Variants in LRFN3 observed in about 807,000 individuals in gnomAD.
LRFN3 encodes the protein leucine-rich repeat and fibronectin type-III domain-containing protein 3.
Under a neutral mutation model 23.8 loss-of-function variants are expected in LRFN3, and 8 were observed. The ratio of observed to expected loss-of-function variants is 0.34; its 90% CI spans 0.20 to 0.61. The LOEUF (loss-of-function observed/expected upper bound fraction) is 0.61, where lower values mean the gene tolerates loss of function less well. Ranked by LOEUF, LRFN3 falls within the 20% of genes least tolerant of loss-of-function variation. The pLI is 0.80. For missense variants in LRFN3, 736 were observed against 935.3 expected, an observed-to-expected ratio of 0.79 and a Z score of 2.78; for synonymous variants, 451 against 450.6, an observed-to-expected ratio of 1.00 and a Z score of -0.01.
rs1976061703 is a variant in LRFN3 at position 35,936,695 on chromosome 19, C to G, written c.-877C>G. ...CCGCAGCCCAGGAAGCCAGCCGGGA[C>G]GCCGCCGCCCCGGACCCCGCGCCCT... On this transcript the variant is annotated 5_prime_UTR_variant, in exon 1 of 3. Transcript: ENST00000246529. The G allele has an allele frequency of 6.5e-6, 1 of 152,716 alleles. No homozygotes were observed. The highest frequency in any genetic ancestry group is 2.4e-5 in the African/African-American group (1 of 41,344). 9.5% of individuals were successfully genotyped at this position (152,716 alleles called of 1,614,324 possible). A position where few individuals can be genotyped will look rare whatever the true frequency, so the allele number is the denominator to read the frequency against.
Position 35,939,793 on chromosome 19 carries a change from G to A in LRFN3, c.368G>A (p.Gly123Asp). 7 of 1,603,870 alleles carry A rather than the reference G, an allele frequency of 4.4e-6. No homozygotes were observed. The highest frequency in any genetic ancestry group is 5.9e-6 in the Non-Finnish European group (7 of 1,179,734). ...HLDGNRLTSL[G>D]EGQLRGLVNL... ...GATGGCAACCGGCTGACCTCACTGGGCGAGGGCCAGCTGCGCGGCCTGGTC... is the reference window on the plus strand; with the variant it reads ...GATGGCAACCGGCTGACCTCACTGGACGAGGGCCAGCTGCGCGGCCTGGTC... Residue 123 changes from glycine (G) to aspartate (D), a missense_variant, in exon 2 of 3, where the codon GGC (glycine) becomes GAC (aspartate). By Grantham distance (94) the Gly-to-Asp change is moderately conservative. Transcript: ENST00000246529. The surrounding 1 kb of genome is among the most constrained non-coding windows in gnomAD (Gnocchi z 6.4).
Position 35,944,756 on chromosome 19 carries a change from G to T in LRFN3, c.1624G>T (p.Ala542Ser). Reference sequence around the variant, plus strand: ...CTTCCTGGGCGGCACGATGATCATCGCGCTGGGCGGCGTCATCGTAGCCTC... The same window carrying T: ...CTTCCTGGGCGGCACGATGATCATCTCGCTGGGCGGCGTCATCGTAGCCTC... ...APFLGGTMIIALGGVIVASVL... is the reference protein window; with the variant it reads ...APFLGGTMIISLGGVIVASVL... The change falls in exon 3 of 3, where the codon GCG becomes TCG. Residue 542 changes from alanine (A) to serine (S), a missense_variant. This residue lies in a region of LRFN3 where 290 missense variants were observed against 287.4 expected (regional missense o/e 1.01). Coordinates refer to ENST00000246529, the MANE Select transcript of LRFN3 (RefSeq NM_024509.2). The surrounding 1 kb of genome is among the most constrained non-coding windows in gnomAD (Gnocchi z 4.5). 1 of 1,609,398 alleles carries T rather than the reference G, an allele frequency of 6.2e-7. No homozygotes were observed. Among genetic ancestry groups the T allele is most frequent in the Non-Finnish European group, 8.5e-7 (1 of 1,178,278 alleles).
At position 35,939,671 on chromosome 19, in the gene LRFN3, G is replaced by A. The variant is rs781290682; in HGVS notation, c.246G>A (p.Met82Ile). ...TGCGCCGCCGCGACCTGGCCAACAT[G>A]ACAGGCCTGCTGCATCTGAGCCTGT... Reference protein sequence around the residue: ...ASVRRRDLANMTGLLHLSLSR... With the variant: ...ASVRRRDLANITGLLHLSLSR... The change falls in exon 2 of 3, where the codon ATG (methionine) becomes ATA (isoleucine). Residue 82 changes from methionine (M) to isoleucine (I), a missense_variant. This residue lies in a region of LRFN3 where 446 missense variants were observed against 647.9 expected (regional missense o/e 0.69). Coordinates refer to ENST00000246529, the MANE Select transcript of LRFN3 (RefSeq NM_024509.2). The surrounding 1 kb of genome is among the most constrained non-coding windows in gnomAD (Gnocchi z 6.4). 1 of 1,607,814 alleles carries A rather than the reference G, an allele frequency of 6.2e-7. No individual in the cohort carries two copies. The highest frequency in any genetic ancestry group is 1.1e-5 in the South Asian group (1 of 91,032).
intron 2 of LRFN3, among the ~76,000 whole-genome samples, chr19:35,942,088 T>C (rs1046529561): frequency 6.6e-6 from 1 of 151,652 alleles, no homozygotes. Flanking sequence ...TTCACCATGT[T>C]AGCCAGGATG....
rs568617200 is a variant in LRFN3 at position 35,944,134 on chromosome 19, G to T, written c.1416-414G>T. ...GAGTCCAGGAGTCAGAGGCTGCAGT[G>T]AGCTGTGATCATGCCACTGCACTCC... On this transcript the variant is annotated intron_variant, in intron 2 of 2. Coordinates refer to ENST00000246529, the MANE Select transcript of LRFN3 (RefSeq NM_024509.2). The surrounding 1 kb of genome is among the most constrained non-coding windows in gnomAD (Gnocchi z 4.5). 3.7e-4 allele frequency among the ~76,000 whole-genome samples: 56 copies of T among 152,316 alleles called. No individual in the cohort carries two copies. The highest frequency in any genetic ancestry group is 1.3e-3 in the African/African-American group (56 of 41,570).
chr19:35,944,622 T>A lies in LRFN3; in HGVS notation c.1490T>A (p.Leu497His). Residue 497 changes from leucine (L) to histidine (H), a missense_variant, in exon 3 of 3, where the codon CTC becomes CAC. By Grantham distance (99) the Leu-to-His change is moderately conservative (BLOSUM62 -3). Coordinates refer to ENST00000246529, the MANE Select transcript of LRFN3 (RefSeq NM_024509.2). This position sits in a 1 kb window ranked among gnomAD's most constrained non-coding sequence, Gnocchi z 4.5. ...GGCCGGACCTACGATCTGTGCGTGC[T>A]CGCCGTGTATGAGGACAGCGCCACG... ...ASGRTYDLCV[L>H]AVYEDSATGL... 6.4e-7 allele frequency: 1 copy of A among 1,559,880 alleles called. No homozygotes were observed. The highest frequency in any genetic ancestry group is 8.6e-7 in the Non-Finnish European group (1 of 1,159,908).
chr19:35,944,896 C>G lies in LRFN3; in HGVS notation c.1764C>G (p.Gly588=), dbSNP rs766498398. 6.3e-7 allele frequency: 1 copy of G among 1,590,696 alleles called. No homozygotes were observed. Among genetic ancestry groups the G allele is most frequent in the Admixed American group, 1.7e-5 (1 of 59,378 alleles). Residue 588 remains glycine, a synonymous_variant, in exon 3 of 3, where the codon GGC becomes GGG. Coordinates refer to ENST00000246529, the MANE Select transcript of LRFN3 (RefSeq NM_024509.2). The surrounding 1 kb of genome is among the most constrained non-coding windows in gnomAD (Gnocchi z 4.5). The part of the protein sequence containing the change: ...PVSSVCSQTN[G]ALGPTPTPAP... ...GCAGCGTTTGCTCCCAGACCAACGG[C>G]GCCCTGGGCCCCACGCCCACGCCCG...
Position 35,937,817 on chromosome 19 carries a change from T to C in LRFN3, c.-17+262T>C, listed in dbSNP as rs2145298471. Among the ~76,000 whole-genome samples the C allele has an allele frequency of 1.3e-5, 2 of 152,276 alleles. 1 individual carries two copies. The highest frequency in any genetic ancestry group is 2.9e-5 in the Non-Finnish European group (2 of 68,026). ...AACCCTTACAGCCTTTCGCTGTCTA[T>C]CCGGTCCGACCGTCTCCGCCACCTC... On this transcript the variant is annotated intron_variant, in intron 1 of 2. Coordinates refer to ENST00000246529, the MANE Select transcript of LRFN3 (RefSeq NM_024509.2).
intron 2 of LRFN3, among the ~76,000 whole-genome samples, chr19:35,942,852 AC>A (rs1976137661): frequency 6.6e-6 from 1 of 152,038 alleles, no homozygotes; most frequent in African/African-American, 2.4e-5. Flanking sequence ...ACACGGTGAA[AC>A]CTCGTCTCTA....
intron 1 of LRFN3, among the ~76,000 whole-genome samples, chr19:35,938,809 T>C (rs1976084678): frequency 6.6e-6 from 1 of 152,226 alleles, no homozygotes; most frequent in East Asian, 1.9e-4. Context: ...CCTTCTCTTC[T>C]CTGGTCATAT....
At position 35,944,882 on chromosome 19, in the gene LRFN3, T is replaced by C; in HGVS notation, c.1750T>C (p.Ser584Pro). Residue 584 changes from serine to proline, a missense_variant, in exon 3 of 3, where the codon TCC (serine) becomes CCC (proline). Physicochemically the swap from Ser to Pro is moderately conservative, Grantham distance 74. This residue lies in a region of LRFN3 where 290 missense variants were observed against 287.4 expected (regional missense o/e 1.01). Transcript: ENST00000246529. This position sits in a 1 kb window ranked among gnomAD's most constrained non-coding sequence, Gnocchi z 4.5. ...TCCCGCGCCTGTTAGCAGCGTTTGC[T>C]CCCAGACCAACGGCGCCCTGGGCCC... ...KIPAPVSSVC[S>P]QTNGALGPTP... 6.3e-7 allele frequency: 1 copy of C among 1,596,348 alleles called. No individual in the cohort carries two copies. The highest frequency in any genetic ancestry group is 8.5e-7 in the Non-Finnish European group (1 of 1,178,318).
At chr19:35,940,943 T>C in intron 2 of LRFN3, 103 bp downstream of exon 2, 1 of 1,386,218 alleles carries the variant, frequency 7.2e-7, no homozygotes, top group Non-Finnish European at 9.4e-7. Flanking sequence ...AACTGATAAG[T>C]GATGCTGGAA....
Position 35,940,067 on chromosome 19 carries a change from C to G in LRFN3, c.642C>G (p.Asn214Lys), listed in dbSNP as rs1392663382. ...TGGCCCGGCTGGACATGACCTCCAA[C>G]CGCCTGACCACAATCCCACCCGACC... Reference protein sequence around the residue: ...HKLARLDMTSNRLTTIPPDPL... With the variant: ...HKLARLDMTSKRLTTIPPDPL... The change falls in exon 2 of 3, where the codon AAC (asparagine) becomes AAG (lysine). Residue 214 changes from asparagine (N) to lysine (K), a missense_variant. Transcript: ENST00000246529. 6.2e-7 allele frequency: 1 copy of G among 1,612,394 alleles called. No homozygotes were observed. Among genetic ancestry groups the G allele is most frequent in the African/African-American group, 1.3e-5 (1 of 75,034 alleles).
chr19:35,943,527 T>A (rs924169944), intron 2 of LRFN3, among the ~76,000 whole-genome samples: 1 of 152,026 alleles, frequency 6.6e-6, no homozygotes, highest in African/African-American at 2.4e-5. Flanking sequence ...GTGGTTTGAT[T>A]GGAGAGAATC....
At chr19:35,937,822 T>C (rs1976073693) in intron 1 of LRFN3, among the ~76,000 whole-genome samples, 2 of 152,120 alleles carry the variant, frequency 1.3e-5, no homozygotes, top group African/African-American at 4.8e-5. Flanking sequence ...GTCTATCCGG[T>C]CCGACCGTCT....
chr19:35,938,854 G>T (rs566860288), intron 1 of LRFN3, among the ~76,000 whole-genome samples: 1 of 152,272 alleles, frequency 6.6e-6, no homozygotes, highest in Admixed American at 6.5e-5. Context: ...CACCCTGGCT[G>T]CCCCGTCTCC....
Position 35,936,808 on chromosome 19 carries a change from C to T in LRFN3, c.-764C>T, listed in dbSNP as rs1976062807. 1 of 152,228 alleles carries T rather than the reference C, an allele frequency of 6.6e-6. No individual in the cohort carries two copies. The highest frequency in any genetic ancestry group is 1.5e-5 in the Non-Finnish European group (1 of 68,074). The allele number at this position is 152,228 out of a possible 1,614,324, so 9.4% of individuals were successfully genotyped here. ...GAACCCTGATCTGGGACCAGCACCC[C>T]GAGATCCGGCCGTGGAACCCCAAGA... On this transcript the variant is annotated 5_prime_UTR_variant, in exon 1 of 3. Coordinates refer to ENST00000246529, the MANE Select transcript of LRFN3 (RefSeq NM_024509.2).
rs116698543 is a variant in LRFN3, at chr19:35,944,075, T to G, written c.1416-473T>G. Among the ~76,000 whole-genome samples, 4,113 of 152,156 alleles carry G rather than the reference T, an allele frequency of 0.027. 195 individuals are homozygous for G. Among genetic ancestry groups the G allele is most frequent in the African/African-American group, 0.093 (3,859 of 41,496 alleles). On this transcript the variant is annotated intron_variant, in intron 2 of 2. Transcript: ENST00000246529. The surrounding 1 kb of genome is among the most constrained non-coding windows in gnomAD (Gnocchi z 4.5). The stretch of plus-strand genomic sequence containing the variant: ...CATGGTAGTGCACACCTGTAGTTCC[T>G]GCTACTCAGGAGGCTGAGGCCGGAG...
chr19:35,936,812 A>G lies in LRFN3; in HGVS notation c.-760A>G, dbSNP rs1224460251. ...CCTGATCTGGGACCAGCACCCCGAG[A>G]TCCGGCCGTGGAACCCCAAGATCTG... is the stretch of plus-strand genomic sequence containing the variant. On this transcript the variant is annotated 5_prime_UTR_variant, in exon 1 of 3. Transcript: ENST00000246529. The G allele has an allele frequency of 6.6e-6, 1 of 152,226 alleles. No individual in the cohort carries two copies. Among genetic ancestry groups the G allele is most frequent in the African/African-American group, 2.4e-5 (1 of 41,458 alleles). The allele number at this position is 152,226 out of a possible 1,614,324, so 9.4% of individuals were successfully genotyped here.
Sources: allele counts gnomAD v4.1 joint callset (sites outside exome capture counted in the v4.1 genomes callset), GRCh38; gene constraint gnomAD v4.1.1; regional missense constraint gnomAD v4.1.1; non-coding constraint Gnocchi (gnomAD v3.1); transcripts MANE v1.5; gene names NCBI Gene and HGNC (gene_info 2026-07-23, HGNC 2026-07-21).